Variants in XIRP2 observed in about 807,000 individuals in gnomAD.
XIRP2 encodes xin actin binding repeat containing 2, also known as xin actin-binding repeat-containing protein 2.
Under a neutral mutation model 277.0 loss-of-function variants are expected in XIRP2, and 236 were observed. The observed-to-expected ratio is 0.85, with a 90% CI of 0.77 to 0.95. The LOEUF (loss-of-function observed/expected upper bound fraction) is 0.95. Among genes scored for constraint, XIRP2 ranks in the 40% least tolerant of loss-of-function variants. XIRP2 has a pLI of 0.00. For missense variants in XIRP2, 4,640 were observed against 4,157.5 expected, an observed-to-expected ratio of 1.12 and a Z score of -3.19; for synonymous variants, 1,490 against 1,416.5, an observed-to-expected ratio of 1.05 and a Z score of -1.17.
intron 2 of XIRP2, among the ~76,000 whole-genome samples, chr2:167,047,915 A>G (rs562056387): frequency 7.7e-4 from 117 of 152,130 alleles, no homozygotes; most frequent in African/African-American, 2.7e-3. Flanking sequence ...TTGAAGGTTA[A>G]TTAAACTTTC....
rs747235331 is a variant in XIRP2 at position 167,249,466 on chromosome 2, TA to T, written c.8075del (p.Tyr2692PhefsTer27). ...CSTQQTQQKKYLEQLHLPQSK... is the reference protein window; with the variant it reads ...CSTQQTQQKKXLEQLHLPQSK... ...TACCCAACAAACACAACAGAAGAAG[TA>T]TTTGGAGCAGTTGCACTTGCCCCAA... On this transcript the variant is annotated frameshift_variant, in exon 9 of 11. Transcript: ENST00000409195. LOFTEE classifies it high-confidence loss of function. 4.3e-6 allele frequency: 7 copies of T among 1,613,624 alleles called. No individual in the cohort carries two copies. The highest frequency in any genetic ancestry group is 5.9e-6 in the Non-Finnish European group (7 of 1,179,828).
chr2:167,033,239 A>G (rs977426425), intron 2 of XIRP2, among the ~76,000 whole-genome samples: 45 of 152,226 alleles, frequency 3.0e-4, no homozygotes, highest in Non-Finnish European at 1.8e-4. Context: ...GAGTTGAACA[A>G]TGAGAACACA....
intron 3 of XIRP2, among the ~76,000 whole-genome samples, chr2:167,146,107 A>G (rs1013019983): frequency 9.9e-5 from 15 of 152,122 alleles, no homozygotes; most frequent in African/African-American, 3.6e-4. Flanking sequence ...AATTTCCAAA[A>G]TATTAAGTTT....
At chr2:166,927,029 A>G (rs999868255) in intron 2 of XIRP2, among the ~76,000 whole-genome samples, 1 of 152,168 alleles carries the variant, frequency 6.6e-6, no homozygotes, top group African/African-American at 2.4e-5. Flanking sequence ...CTCATGCTCA[A>G]CATTAATTTG....
At chr2:166,998,158 A>C (rs144809287) in intron 2 of XIRP2, among the ~76,000 whole-genome samples, 1 of 152,196 alleles carries the variant, frequency 6.6e-6, no homozygotes, top group Non-Finnish European at 1.5e-5. Flanking sequence ...TGTCTTTGCT[A>C]TTGTGAATAG....
At chr2:167,087,188 T>G (rs1404325079) in intron 2 of XIRP2, among the ~76,000 whole-genome samples, 1 of 152,128 alleles carries the variant, frequency 6.6e-6, no homozygotes, top group Non-Finnish European at 1.5e-5. Flanking sequence ...GCAGGTCTGT[T>G]GGAATACCCT....
chr2:166,895,694 C>T (rs954008837), intron 1 of XIRP2, among the ~76,000 whole-genome samples: 7 of 152,080 alleles, frequency 4.6e-5, no homozygotes, highest in Admixed American at 1.3e-4. Flanking sequence ...CATACACAGG[C>T]GTTACCCTCT....
chr2:167,228,175 T>C (rs1694659608), intron 5 of XIRP2, among the ~76,000 whole-genome samples: 1 of 152,178 alleles, frequency 6.6e-6, no homozygotes, highest in Non-Finnish European at 1.5e-5. Context: ...TGAATCACAT[T>C]ACATTATAGC....
chr2:167,098,065 T>G (rs1352629177), intron 2 of XIRP2, among the ~76,000 whole-genome samples: 1 of 152,208 alleles, frequency 6.6e-6, no homozygotes, highest in Non-Finnish European at 1.5e-5. Flanking sequence ...TGTGGTGTTC[T>G]CTGGATTTTC....
chr2:167,073,732 A>G (rs1383346715), intron 2 of XIRP2, among the ~76,000 whole-genome samples: 1 of 152,202 alleles, frequency 6.6e-6, no homozygotes, highest in Non-Finnish European at 1.5e-5. Flanking sequence ...TCTCACAAAT[A>G]TGAAATACTT....
rs567460826 is a variant in XIRP2 at position 167,057,319 on chromosome 2, T to C, written c.409-78590T>C. On this transcript the variant is annotated intron_variant, in intron 2 of 10. Transcript: ENST00000409195. ...CAGGAAACCACATTCCTAGTGTAGA[T>C]TGGCATTTTTCATGGGAGGAAATCA... Among the ~76,000 whole-genome samples, 4 of 151,280 alleles carry C rather than the reference T, an allele frequency of 2.6e-5. 1 individual carries two copies. Among genetic ancestry groups the C allele is most frequent in the African/African-American group, 7.3e-5 (3 of 41,108 alleles).
chr2:167,208,362 G>T (rs148858297), intron 3 of XIRP2, among the ~76,000 whole-genome samples: 1 of 152,006 alleles, frequency 6.6e-6, no homozygotes, highest in Non-Finnish European at 1.5e-5. Context: ...GCTGGAGTGC[G>T]GTGGCGCGAT....
intron 2 of XIRP2, among the ~76,000 whole-genome samples, chr2:167,061,986 A>G (rs1689184356): frequency 6.6e-6 from 1 of 152,222 alleles, no homozygotes; most frequent in Non-Finnish European, 1.5e-5. Context: ...TGATAAACAT[A>G]TATTGAATAT....
intron 2 of XIRP2, among the ~76,000 whole-genome samples, chr2:167,107,091 G>C (rs1001603478): frequency 4.6e-5 from 7 of 151,556 alleles, no homozygotes; most frequent in African/African-American, 1.7e-4. Flanking sequence ...TTCCATGTCA[G>C]CTGCAAATTG....
chr2:167,111,845 A>G (rs542597027), intron 2 of XIRP2, among the ~76,000 whole-genome samples: 1 of 152,058 alleles, frequency 6.6e-6, no homozygotes, highest in South Asian at 2.1e-4. Context: ...TCAATGTTGG[A>G]ACTCATTATT....
intron 2 of XIRP2, among the ~76,000 whole-genome samples, chr2:167,026,594 A>G (rs1276776884): frequency 1.3e-5 from 2 of 152,138 alleles, no homozygotes; most frequent in African/African-American, 2.4e-5. Flanking sequence ...GGCTGGTACC[A>G]GTTGTTCCTT....
At position 167,195,521 on chromosome 2, in the gene XIRP2, C is replaced by T. The variant is rs565445321; in HGVS notation, c.563-15214C>T. 2.0e-5 allele frequency among the ~76,000 whole-genome samples: 3 copies of T among 152,176 alleles called. No individual in the cohort carries two copies. In the South Asian group the frequency reaches 6.2e-4, roughly 31 times the overall value. ...CAGCAGCCCCTTCCAACTTTATTTA[C>T]TTAATCTCTCCATGTCTTGAATCCA... is the stretch of plus-strand genomic sequence containing the variant. On this transcript the variant is annotated intron_variant, in intron 3 of 10. Coordinates refer to ENST00000409195, the MANE Select transcript of XIRP2 (RefSeq NM_152381.6).
chr2:167,175,268 A>G (rs1271786714), intron 3 of XIRP2, among the ~76,000 whole-genome samples: 3 of 152,184 alleles, frequency 2.0e-5, no homozygotes, highest in Non-Finnish European at 4.4e-5. Context: ...GGGTGCATGT[A>G]TATTTAGGAT....
chr2:167,111,958 T>C (rs1690769055), intron 2 of XIRP2, among the ~76,000 whole-genome samples: 2 of 152,210 alleles, frequency 1.3e-5, no homozygotes, highest in South Asian at 4.1e-4. Flanking sequence ...GAGGTGTTCA[T>C]AGTAGTAGTC....
Sources: gnomAD v4.1 joint callset for allele counts (sites outside exome capture counted in the v4.1 genomes callset) on GRCh38, gnomAD v4.1.1 for gene constraint, MANE v1.5 for transcripts, NCBI Gene and HGNC (gene_info 2026-07-23, HGNC 2026-07-21) for gene names.